Variants in NHS observed in about 807,000 individuals in gnomAD.
NHS encodes actin remodeling regulator NHS.
NHS carries 5 observed loss-of-function variants against 72.5 expected under a neutral mutation model. That is an observed-to-expected ratio of 0.07 (90% CI 0.04 to 0.14). The LOEUF is 0.14. Ranked by LOEUF, NHS falls within the 10% of genes least tolerant of loss-of-function variation. The probability of loss-of-function intolerance (pLI) is 1.00; values close to 1 mark genes in which losing one functional copy is unlikely to be tolerated. For synonymous variants in NHS, 464 were observed against 547.7 expected, an observed-to-expected ratio of 0.85 and a Z score of 2.13; for missense variants, 1,072 against 1,355.7, an observed-to-expected ratio of 0.79 and a Z score of 3.29.
chrX:17,645,374 T>C (rs762800935), intron 1 of NHS, among the ~76,000 whole-genome samples: 16 of 111,724 alleles, frequency 1.4e-4, no homozygotes, highest in African/African-American at 5.2e-4. Flanking sequence ...CATGGGAAAA[T>C]ATGTCCTGAA....
chrX:17,603,427 G>A (rs1471423736), intron 1 of NHS, among the ~76,000 whole-genome samples: 2 of 111,980 alleles, frequency 1.8e-5, no homozygotes, highest in South Asian at 3.7e-4. Flanking sequence ...AGTCTCAGAC[G>A]AAACATACTG....
At chrX:17,539,675 TA>T (rs1160703085) in intron 1 of NHS, among the ~76,000 whole-genome samples, 1 of 111,311 alleles carries the variant, frequency 9.0e-6, no homozygotes, top group African/African-American at 3.3e-5. Flanking sequence ...CTTTGGACCC[TA>T]GCAGACCTTG....
At chrX:17,696,068 C>T (rs1003024780) in intron 3 of NHS, among the ~76,000 whole-genome samples, 8 of 111,141 alleles carry the variant, frequency 7.2e-5, no homozygotes, top group South Asian at 3.8e-4. Flanking sequence ...TCGAAACAAA[C>T]GTCACGAAAT....
intron 1 of NHS, among the ~76,000 whole-genome samples, chrX:17,622,587 T>C (rs1226201773): frequency 8.9e-6 from 1 of 112,449 alleles, no homozygotes; most frequent in African/African-American, 3.2e-5. Flanking sequence ...CCCTAGGTCC[T>C]GAGGCTGCAT....
chrX:17,608,205 A>G (rs1029136387), intron 1 of NHS, among the ~76,000 whole-genome samples: 1 of 111,231 alleles, frequency 9.0e-6, no homozygotes, highest in African/African-American at 3.3e-5. Flanking sequence ...GTGAGCCACC[A>G]TGCCTGGCCA....
chrX:17,471,805 A>G (rs893305842), intron 1 of NHS, among the ~76,000 whole-genome samples: 2 of 112,016 alleles, frequency 1.8e-5, no homozygotes, highest in African/African-American at 6.5e-5. Context: ...AGGAAGGTGC[A>G]TAGCTAAGGA....
At chrX:17,640,393 G>A (rs548407611) in intron 1 of NHS, among the ~76,000 whole-genome samples, 2 of 111,612 alleles carry the variant, frequency 1.8e-5, no homozygotes, top group African/African-American at 6.5e-5. Context: ...TGCACCCCCG[G>A]CTCCTGAAAT....
Position 17,728,413 on chromosome X carries a change from A to G in NHS, c.4222+85A>G, listed in dbSNP as rs2147145467. On this transcript the variant is annotated intron_variant, in intron 7 of 8. Coordinates refer to ENST00000676302, the MANE Select transcript of NHS (RefSeq NM_001291867.2). ...TTTCTTATGTTCCCAATAATACGGT[A>G]CAGCCCTGGGTGTTGGTTTCCCTCC... The G allele has an allele frequency of 3.2e-6, 3 of 949,412 alleles. No homozygotes were observed. The East Asian group carries it at 9.6e-5, about 30-fold the overall frequency. 78.2% of individuals were successfully genotyped at this position (949,412 alleles called of 1,213,427 possible).
chrX:17,482,796 G>A (rs934064187), intron 1 of NHS, among the ~76,000 whole-genome samples: 3 of 111,859 alleles, frequency 2.7e-5, no homozygotes, highest in African/African-American at 9.7e-5. Context: ...CCTATTCAGC[G>A]GATTTCTCTT....
rs1274365289 is a variant in NHS at position 17,616,421 on chromosome X, A to G, written c.566-71321A>G. Among the ~76,000 whole-genome samples, 9 of 112,916 alleles carry G rather than the reference A, an allele frequency of 8.0e-5. No homozygotes were observed. In the Admixed American group the frequency reaches 8.4e-4, roughly 11 times the overall value. The stretch of plus-strand genomic sequence containing the variant: ...AATATAGTTGTACCTTAGAAATACA[A>G]TGCAAAACACAGATGTCATTTAAAA... On this transcript the variant is annotated intron_variant, in intron 1 of 8. Coordinates refer to ENST00000676302, the MANE Select transcript of NHS (RefSeq NM_001291867.2).
At position 17,376,075 on chromosome X, in the gene NHS, C is replaced by G. The variant is rs1407490065; in HGVS notation, c.318C>G (p.Ala106=). ...GGATCCCGGAGGCGGCGCCCGCAGCCGGCGAGGCGTCCTCGGCGGCGGCGG... is the reference window on the plus strand; with the variant it reads ...GGATCCCGGAGGCGGCGCCCGCAGCGGGCGAGGCGTCCTCGGCGGCGGCGG... The part of the protein sequence containing the change: ...TAGIPEAAPA[A]GEASSAAAAA... The change falls in exon 1 of 9, where the codon GCC becomes GCG. Residue 106 remains alanine, a synonymous_variant. Coordinates refer to ENST00000676302, the MANE Select transcript of NHS (RefSeq NM_001291867.2). 9.5e-7 allele frequency: 1 copy of G among 1,056,778 alleles called. No individual in the cohort carries two copies. Among genetic ancestry groups the G allele is most frequent in the Admixed American group, 4.5e-5 (1 of 22,161 alleles). The allele number at this position is 1,056,778 out of a possible 1,213,427, so 87.1% of individuals were successfully genotyped here. A position where few individuals can be genotyped will look rare whatever the true frequency, so the allele number is the denominator to read the frequency against.
intron 1 of NHS, among the ~76,000 whole-genome samples, chrX:17,656,249 C>T (rs946447760): frequency 2.6e-4 from 29 of 113,172 alleles, no homozygotes; most frequent in African/African-American, 8.0e-4. Context: ...GATGCACGGG[C>T]GGGCTGCCCA....
At chrX:17,703,419 TACAC>T (rs1352015688) in intron 3 of NHS, among the ~76,000 whole-genome samples, 1 of 112,643 alleles carries the variant, frequency 8.9e-6, no homozygotes, top group African/African-American at 3.2e-5. Context: ...TGAAGAGACT[TACAC>T]AGACAGATGT....
chrX:17,638,854 G>A (rs772047877), intron 1 of NHS, among the ~76,000 whole-genome samples: 17 of 111,461 alleles, frequency 1.5e-4, no homozygotes, highest in African/African-American at 5.6e-4. Context: ...TGCATGTCTT[G>A]GGCAGAGGGC....
At chrX:17,673,357 G>C (rs935913196) in intron 1 of NHS, among the ~76,000 whole-genome samples, 41 of 110,733 alleles carry the variant, frequency 3.7e-4, no homozygotes, top group African/African-American at 1.4e-3. Context: ...TCCTTTCTGG[G>C]GTGAACATGG....
At chrX:17,549,815 T>C (rs895445869) in intron 1 of NHS, among the ~76,000 whole-genome samples, 1 of 110,837 alleles carries the variant, frequency 9.0e-6, no homozygotes, top group African/African-American at 3.3e-5. Context: ...AGAAAAAGAA[T>C]TGGGGAAGCC....
chrX:17,668,133 C>T (rs2066024143), intron 1 of NHS, among the ~76,000 whole-genome samples: 1 of 106,656 alleles, frequency 9.4e-6, no homozygotes. Context: ...TGTTGGCACA[C>T]ACCTATAGTC....
chrX:17,529,863 T>C (rs922919954), intron 1 of NHS, among the ~76,000 whole-genome samples: 1 of 111,446 alleles, frequency 9.0e-6, no homozygotes, highest in African/African-American at 3.3e-5. Flanking sequence ...GTGGAGTTCA[T>C]AGGAAGGGAT....
At chrX:17,536,705 T>C (rs1426404790) in intron 1 of NHS, among the ~76,000 whole-genome samples, 1 of 112,623 alleles carries the variant, frequency 8.9e-6, no homozygotes, top group Non-Finnish European at 1.9e-5. Flanking sequence ...AAGTATATTC[T>C]TGTGTGGGCA....
Sources: gnomAD v4.1 joint callset for allele counts (sites outside exome capture counted in the v4.1 genomes callset) on GRCh38, gnomAD v4.1.1 for gene constraint, MANE v1.5 for transcripts, NCBI Gene and HGNC (gene_info 2026-07-23, HGNC 2026-07-21) for gene names.